Variants in C5orf46 observed in about 807,000 individuals in gnomAD.
The protein encoded by C5orf46 is chromosome 5 open reading frame 46.
A neutral mutation model predicts 8.9 loss-of-function variants in C5orf46; 9 were observed. The ratio of observed to expected loss-of-function variants is 1.01; its 90% confidence interval spans 0.61 to 1.76. The LOEUF (loss-of-function observed/expected upper bound fraction) is 1.76. Among genes scored for constraint, C5orf46 ranks in the 40% most tolerant of loss-of-function variants. The probability of loss-of-function intolerance (pLI) is 0.00; values close to 1 mark genes in which losing one functional copy is unlikely to be tolerated. For synonymous variants in C5orf46, 47 were observed against 41.4 expected (o/e 1.14, Z -0.52); for missense variants, 98 against 107.8 (o/e 0.91, Z 0.40).
At chr5:147,896,823 T>A (rs545829367) in intron 3 of C5orf46, among the ~76,000 whole-genome samples, 161 bp downstream of exon 3, 7 of 152,206 alleles carry the variant, frequency 4.6e-5, no homozygotes, top group Non-Finnish European at 8.8e-5. Context: ...TATTAGAAAC[T>A]TGTACATGAA....
downstream of C5orf46, among the ~76,000 whole-genome samples, chr5:147,889,907 G>A (rs1413674830): frequency 6.6e-6 from 1 of 152,152 alleles, no homozygotes; most frequent in Non-Finnish European, 1.5e-5. Context: ...TCTTAATAAA[G>A]GTAGGTAAGT....
rs1052916192 is a variant in C5orf46 at position 147,901,469 on chromosome 5, G to A, written c.215+160C>T. On this transcript the variant is annotated intron_variant, in intron 2 of 3. Coordinates refer to ENST00000318315, the MANE Select transcript of C5orf46 (RefSeq NM_206966.3). ...AAAGCTCAGGGCAGTTGATTCAGAT[G>A]CAAAATATATTTTAAGTAGGGCAAC... The A allele has an allele frequency of 6.5e-6, 4 of 613,324 alleles. No individual in the cohort carries two copies. In the African/African-American group the frequency reaches 7.5e-5, roughly 12 times the overall value. The allele number at this position is 613,324 out of a possible 1,614,324, so 38.0% of individuals were successfully genotyped here. A position where few individuals can be genotyped will look rare whatever the true frequency, so the allele number is the denominator to read the frequency against.
Position 147,894,836 on chromosome 5 carries a change from G to A in C5orf46, c.*10-1897C>T, listed in dbSNP as rs539891494. On this transcript the variant is annotated intron_variant, in intron 3 of 3. Coordinates refer to ENST00000318315, the MANE Select transcript of C5orf46 (RefSeq NM_206966.3). ...CAGCATTTTGGGAGGCCGAAGGGGG[G>A]TGAATCACTGTCAGGAGTTCAAGAC... is the stretch of plus-strand genomic sequence containing the variant. Among the ~76,000 whole-genome samples, 548 of 151,904 alleles carry A rather than the reference G, an allele frequency of 3.6e-3. 4 individuals are homozygous for A. Among genetic ancestry groups the A allele is most frequent in the African/African-American group, 0.013 (529 of 41,464 alleles).
At chr5:147,893,970 A>T in intron 3 of C5orf46, among the ~76,000 whole-genome samples, 1 of 151,874 alleles carries the variant, frequency 6.6e-6, no homozygotes, top group East Asian at 1.9e-4. Flanking sequence ...TGAAAACGTA[A>T]TCAAGTGACA....
chr5:147,905,620 A>T (rs1358807173), intron 1 of C5orf46, among the ~76,000 whole-genome samples: 1 of 152,214 alleles, frequency 6.6e-6, no homozygotes, highest in African/African-American at 2.4e-5. Context: ...ACTTTTGCAG[A>T]CAAACAGTAA....
chr5:147,896,657 C>T (rs530919558), intron 3 of C5orf46, among the ~76,000 whole-genome samples: 1 of 152,184 alleles, frequency 6.6e-6, no homozygotes. Flanking sequence ...TTACGTGGGT[C>T]CTTAGATTGC....
chr5:147,898,919 C>T lies in C5orf46; in HGVS notation c.216-1878G>A, dbSNP rs1390277086. Reference sequence around the variant, plus strand: ...TCCAGTCTATTCATTGTTTCAAATGCATGTCTCTAGCATTTACTATGCATC... The same window carrying T: ...TCCAGTCTATTCATTGTTTCAAATGTATGTCTCTAGCATTTACTATGCATC... On this transcript the variant is annotated intron_variant, in intron 2 of 3. Transcript: ENST00000318315. 1.3e-5 allele frequency among the ~76,000 whole-genome samples: 2 copies of T among 152,212 alleles called. 1 individual carries two copies. The highest frequency in any genetic ancestry group is 3.9e-4 in the East Asian group (2 of 5,178).
At chr5:147,893,472 G>C (rs1223375461) in intron 3 of C5orf46, among the ~76,000 whole-genome samples, 1 of 151,728 alleles carries the variant, frequency 6.6e-6, no homozygotes, top group Non-Finnish European at 1.5e-5. Context: ...TTTTAGTAGA[G>C]ACAGGGTTTC....
At chr5:147,897,589 A>G (rs555279255) in intron 2 of C5orf46, among the ~76,000 whole-genome samples, 4 of 152,338 alleles carry the variant, frequency 2.6e-5, no homozygotes, top group African/African-American at 4.8e-5. Context: ...TAACTAAAAT[A>G]TGGTTTGTGA....
chr5:147,887,109 T>G (rs548219123), intron 2 of C5orf46: 1 of 152,204 alleles, frequency 6.6e-6, no homozygotes, highest in Non-Finnish European at 1.5e-5. Context: ...GTTTCATGTC[T>G]AAGATAGGCA....
downstream of C5orf46, among the ~76,000 whole-genome samples, chr5:147,890,902 G>A (rs1461355674): frequency 2.0e-5 from 3 of 152,098 alleles, no homozygotes; most frequent in Non-Finnish European, 4.4e-5. Context: ...AATGGCAGAA[G>A]GAATTAATCT....
At chr5:147,903,967 C>T (rs112173102) in intron 1 of C5orf46, among the ~76,000 whole-genome samples, 2,811 of 152,174 alleles carry the variant, frequency 0.018, 78 homozygotes, top group African/African-American at 0.063. Flanking sequence ...AGGCTGGTCT[C>T]GAACTCCTGG....
downstream of C5orf46, among the ~76,000 whole-genome samples, chr5:147,891,349 C>A (rs931082646): frequency 2.0e-5 from 3 of 151,974 alleles, no homozygotes; most frequent in East Asian, 3.9e-4. Context: ...AGACATGGGT[C>A]TTATTGGAGG....
intron 1 of C5orf46, among the ~76,000 whole-genome samples, chr5:147,905,569 C>T (rs1034362275): frequency 2.0e-5 from 3 of 152,190 alleles, no homozygotes; most frequent in African/African-American, 4.8e-5. Context: ...TGTTTGCACT[C>T]CCTCTGTTTT....
Position 147,906,456 on chromosome 5 carries a change from C to T in C5orf46, c.46G>A (p.Val16Ile), listed in dbSNP as rs1437340074. ...LRLTVVLGLL[V>I]LFLTCYADDK... ...CCTGCATAGCAGGTCAGGAATAAGA[C>T]AAGCAGTCCCAGGACAACTGTCAGG... Residue 16 changes from valine (V) to isoleucine (I), a missense_variant, in exon 1 of 4, where the codon GTC becomes ATC. By Grantham distance (29) the Val-to-Ile change is conservative (BLOSUM62 3). Coordinates refer to ENST00000318315, the MANE Select transcript of C5orf46 (RefSeq NM_206966.3). 1 of 1,611,328 alleles carries T rather than the reference C, an allele frequency of 6.2e-7. No homozygotes were observed. The highest frequency in any genetic ancestry group is 1.3e-5 in the African/African-American group (1 of 74,902).
At chr5:147,891,800 T>C (rs1389796920), downstream of C5orf46, among the ~76,000 whole-genome samples, 1 of 152,178 alleles carries the variant, frequency 6.6e-6, no homozygotes, top group African/African-American at 2.4e-5. Flanking sequence ...CCCTAGAAAA[T>C]GCAGAGTGTG....
downstream of C5orf46, among the ~76,000 whole-genome samples, chr5:147,887,980 G>T (rs368410561): frequency 6.6e-6 from 1 of 152,148 alleles, no homozygotes; most frequent in Non-Finnish European, 1.5e-5. Flanking sequence ...CCATGCATTA[G>T]GTGTCATGGT....
chr5:147,889,850 G>A (rs140949544), downstream of C5orf46, among the ~76,000 whole-genome samples: 96 of 152,244 alleles, frequency 6.3e-4, no homozygotes, highest in African/African-American at 2.3e-3. Flanking sequence ...CAATGAGGTA[G>A]CATTTATGCA....
chr5:147,887,931 G>T (rs376477248), downstream of C5orf46, among the ~76,000 whole-genome samples: 1 of 151,370 alleles, frequency 6.6e-6, no homozygotes, highest in Middle Eastern at 3.4e-3. Flanking sequence ...TCAGTGCACA[G>T]GTGGCAGCAG....
Sources: gnomAD v4.1 joint callset for allele counts (sites outside exome capture counted in the v4.1 genomes callset) on GRCh38, gnomAD v4.1.1 for gene constraint, MANE v1.5 for transcripts, NCBI Gene and HGNC (gene_info 2026-07-23, HGNC 2026-07-21) for gene names.